The following BRINP1 variants were observed in gnomAD, a reference collection of about 807,000 sequenced individuals.
BRINP1 encodes the protein BMP/retinoic acid-inducible neural-specific protein 1.
In BRINP1, 17 loss-of-function variants were observed where a neutral mutation model predicts 72.9. That is an observed-to-expected ratio of 0.23 (90% confidence interval 0.16 to 0.35). BRINP1 has a LOEUF of 0.35. Among genes scored for constraint, BRINP1 ranks in the 10% least tolerant of loss-of-function variants. BRINP1 has a pLI of 1.00. For missense variants in BRINP1, 850 were observed against 1,001.6 expected, an observed-to-expected ratio of 0.85 and a Z score of 2.04; for synonymous variants, 418 against 378.5, an observed-to-expected ratio of 1.10 and a Z score of -1.21.
chr9:119,357,510 G>A (rs915639922), intron 1 of BRINP1, among the ~76,000 whole-genome samples: 1 of 152,296 alleles, frequency 6.6e-6, no homozygotes, highest in East Asian at 1.9e-4. Flanking sequence ...TTTGAACTAA[G>A]GGTGCAGATA....
intron 1 of BRINP1, among the ~76,000 whole-genome samples, chr9:119,325,221 T>C (rs1285653395): frequency 6.6e-6 from 1 of 152,194 alleles, no homozygotes; most frequent in East Asian, 1.9e-4. Flanking sequence ...CATTATTATT[T>C]TTAACCACAT....
Position 119,217,755 on chromosome 9 carries a change from C to T in BRINP1, c.686-3600G>A, listed in dbSNP as rs1829994060. The stretch of plus-strand genomic sequence containing the variant: ...AGATATTATTTCTCTTTCTCTGTGT[C>T]ACATGATGGGATATCTCTATTTCCT... On this transcript the variant is annotated intron_variant, in intron 5 of 7. Coordinates refer to ENST00000265922, the MANE Select transcript of BRINP1 (RefSeq NM_014618.3). Among the ~76,000 whole-genome samples, 5 of 152,124 alleles carry T rather than the reference C, an allele frequency of 3.3e-5. No individual in the cohort carries two copies. The South Asian group carries it at 1.0e-3, about 32-fold the overall frequency.
At chr9:119,184,018 T>G (rs1180296968) in intron 7 of BRINP1, among the ~76,000 whole-genome samples, 1 of 152,116 alleles carries the variant, frequency 6.6e-6, no homozygotes, top group Non-Finnish European at 1.5e-5. Flanking sequence ...CTTATGTCTA[T>G]TTTTGACTAA....
intron 7 of BRINP1, among the ~76,000 whole-genome samples, chr9:119,170,269 T>C (rs917392390): frequency 2.0e-5 from 3 of 151,542 alleles, no homozygotes; most frequent in Non-Finnish European, 4.4e-5. Flanking sequence ...GAATAACCAA[T>C]ACAGAGAAGT....
At chr9:119,328,622 A>G (rs1325171231) in intron 1 of BRINP1, among the ~76,000 whole-genome samples, 1 of 152,222 alleles carries the variant, frequency 6.6e-6, no homozygotes, top group Non-Finnish European at 1.5e-5. Flanking sequence ...TTAAATAGAA[A>G]GTGTCCATGA....
chr9:119,282,366 G>A (rs982342950), intron 2 of BRINP1, among the ~76,000 whole-genome samples: 2 of 152,154 alleles, frequency 1.3e-5, no homozygotes, highest in Admixed American at 6.5e-5. Context: ...GATCCCTTCC[G>A]TAAGATCCAG....
intron 7 of BRINP1, among the ~76,000 whole-genome samples, chr9:119,175,410 T>A (rs1341696747): frequency 6.6e-6 from 1 of 151,982 alleles, no homozygotes; most frequent in African/African-American, 2.4e-5. Flanking sequence ...TTAGGAGAAA[T>A]ACCTAATGTA....
Position 119,201,664 on chromosome 9 carries a change from C to T in BRINP1, c.1145+7055G>A, listed in dbSNP as rs562662913. Among the ~76,000 whole-genome samples, 3 of 152,248 alleles carry T rather than the reference C, an allele frequency of 2.0e-5. No individual in the cohort carries two copies. The South Asian group carries it at 6.2e-4, about 32-fold the overall frequency. ...CACACAGGACAGAATAGGACTTGAA[C>T]TTAGGTCTCTGGCTTCATGAAACAA... On this transcript the variant is annotated intron_variant, in intron 7 of 7. Coordinates refer to ENST00000265922, the MANE Select transcript of BRINP1 (RefSeq NM_014618.3).
At chr9:119,260,112 T>C (rs1312626192) in intron 2 of BRINP1, among the ~76,000 whole-genome samples, 1 of 152,160 alleles carries the variant, frequency 6.6e-6, no homozygotes, top group Admixed American at 6.5e-5. Context: ...TTCAGTTATA[T>C]TCACTGAATA....
rs375886127 is a variant in BRINP1 at position 119,343,427 on chromosome 9, G to A, written c.-51+25629C>T. 6.8e-4 allele frequency among the ~76,000 whole-genome samples: 103 copies of A among 152,200 alleles called. 6 individuals are homozygous for A. In the South Asian group the frequency reaches 0.021, roughly 31 times the overall value. On this transcript the variant is annotated intron_variant, in intron 1 of 7. Transcript: ENST00000265922. The stretch of plus-strand genomic sequence containing the variant: ...TGGCACCATGCAACACTTCTCCCCC[G>A]CTCACCTCTTGAATTTACTACTTTC...
chr9:119,238,692 G>C lies in BRINP1; in HGVS notation c.648C>G (p.Val216=). 1 of 1,612,256 alleles carries C rather than the reference G, an allele frequency of 6.2e-7. No individual in the cohort carries two copies. The highest frequency in any genetic ancestry group is 8.5e-7 in the Non-Finnish European group (1 of 1,179,562). Residue 216 remains valine, a synonymous_variant, in exon 5 of 8, where the codon GTC becomes GTG. Transcript: ENST00000265922. ...SYDNLDSVSS[V]LLQSTESKLH... is the part of the protein sequence containing the mutation. ...GTTTGCTCTCCGTGCTTTGCAGAAG[G>C]ACGGAACTCACAGAGTCCAGATTGT...
At chr9:119,265,463 G>T (rs967287832) in intron 2 of BRINP1, among the ~76,000 whole-genome samples, 1 of 151,962 alleles carries the variant, frequency 6.6e-6, no homozygotes, top group African/African-American at 2.4e-5. Context: ...AAATTAGCTG[G>T]GTGTGGTGTC....
chr9:119,168,344 G>C, intron 7 of BRINP1, 120 bp from the exon 8 acceptor site: 2 of 741,042 alleles, frequency 2.7e-6, no homozygotes, highest in Non-Finnish European at 4.1e-6. Context: ...GGATGGAGCA[G>C]TGACAATACA....
chr9:119,194,158 TA>T (rs1192869283), intron 7 of BRINP1, among the ~76,000 whole-genome samples: 1 of 152,194 alleles, frequency 6.6e-6, no homozygotes. Context: ...CAACTCCACA[TA>T]GAACACAATT....
At chr9:119,171,803 A>C (rs1177190775) in intron 7 of BRINP1, among the ~76,000 whole-genome samples, 1 of 118,350 alleles carries the variant, frequency 8.4e-6, no homozygotes, top group Admixed American at 9.1e-5. Flanking sequence ...CAGTGCAATC[A>C]AACTAGAACT....
intron 2 of BRINP1, among the ~76,000 whole-genome samples, chr9:119,286,537 G>A (rs978957063): frequency 3.3e-5 from 5 of 152,156 alleles, no homozygotes; most frequent in African/African-American, 4.8e-5. Context: ...CCCGGCCATC[G>A]CCATCATCAT....
chr9:119,350,435 C>T (rs1055034840), intron 1 of BRINP1, among the ~76,000 whole-genome samples: 3 of 152,150 alleles, frequency 2.0e-5, no homozygotes, highest in African/African-American at 7.2e-5. Flanking sequence ...AGTTGCCGCT[C>T]TCTATCTCTT....
chr9:119,179,071 C>T (rs368285499), intron 7 of BRINP1, among the ~76,000 whole-genome samples: 2 of 151,986 alleles, frequency 1.3e-5, no homozygotes, highest in East Asian at 1.9e-4. Flanking sequence ...CTATAAATAC[C>T]ACTTCCCAGG....
intron 7 of BRINP1, among the ~76,000 whole-genome samples, chr9:119,169,775 T>A: frequency 6.6e-6 from 1 of 152,194 alleles, no homozygotes; most frequent in South Asian, 2.1e-4. Flanking sequence ...AGCATGCAGC[T>A]GGAGATCTGA....
Sources: allele counts gnomAD v4.1 joint callset (sites outside exome capture counted in the v4.1 genomes callset), GRCh38; gene constraint gnomAD v4.1.1; transcripts MANE v1.5; gene names NCBI Gene and HGNC (gene_info 2026-07-23, HGNC 2026-07-21).